WWOX: variants seen among roughly 807,000 people sequenced by gnomAD.
WWOX encodes WW domain-containing oxidoreductase.
Under a neutral mutation model 46.2 loss-of-function variants are expected in WWOX, and 69 were observed. The observed-to-expected ratio is 1.49, with a 90% confidence interval of 1.23 to 1.82. The LOEUF is 1.82. Among genes scored for constraint, WWOX ranks in the 40% most tolerant of loss-of-function variants. The pLI, the probability that WWOX is intolerant of heterozygous loss-of-function variation, is 0.00. For missense variants in WWOX, 919 were observed against 542.6 expected (o/e 1.69, Z -6.89); for synonymous variants, 359 against 202.6 (o/e 1.77, Z -6.56).
intron 8 of WWOX, among the ~76,000 whole-genome samples, chr16:78,892,890 C>T (rs367991413): frequency 2.5e-4 from 38 of 152,292 alleles, no homozygotes; most frequent in African/African-American, 8.2e-4. Context: ...GTATCTCCTA[C>T]GCCAAGTCCT....
intron 5 of WWOX, among the ~76,000 whole-genome samples, chr16:78,297,030 A>G (rs1393982461): frequency 6.6e-6 from 1 of 152,132 alleles, no homozygotes; most frequent in African/African-American, 2.4e-5. Flanking sequence ...TGAATTGGTA[A>G]AATTATCTGG....
intron 8 of WWOX, among the ~76,000 whole-genome samples, chr16:78,755,899 A>T (rs1107903): frequency 0.49 from 75,053 of 152,066 alleles, 21,757 homozygotes; most frequent in Non-Finnish European, 0.62. Flanking sequence ...GTAACTTCAT[A>T]GGATTTTTGT....
intron 8 of WWOX, among the ~76,000 whole-genome samples, chr16:78,901,283 A>C (rs2044825163): frequency 6.6e-6 from 1 of 152,224 alleles, no homozygotes; most frequent in Non-Finnish European, 1.5e-5. Flanking sequence ...AAAGATCACA[A>C]AGTATGTGTT....
chr16:78,262,622 A>G (rs2079270377), intron 5 of WWOX, among the ~76,000 whole-genome samples: 1 of 152,160 alleles, frequency 6.6e-6, no homozygotes. Context: ...TCCATGAAGT[A>G]TAATCTAATG....
At chr16:78,241,755 G>C (rs1440115029) in intron 5 of WWOX, among the ~76,000 whole-genome samples, 1 of 152,106 alleles carries the variant, frequency 6.6e-6, no homozygotes, top group African/African-American at 2.4e-5. Flanking sequence ...AGCCACTGTT[G>C]CTATTGATGA....
At chr16:78,630,589 C>T (rs1036830457) in intron 8 of WWOX, among the ~76,000 whole-genome samples, 2 of 152,108 alleles carry the variant, frequency 1.3e-5, no homozygotes, top group African/African-American at 2.4e-5. Flanking sequence ...CCTGTGTGAC[C>T]CCACTGGAAG....
At chr16:78,949,140 T>C (rs190655615) in intron 8 of WWOX, among the ~76,000 whole-genome samples, 2 of 152,254 alleles carry the variant, frequency 1.3e-5, no homozygotes, top group Admixed American at 6.5e-5. Context: ...ATTCTGCCAA[T>C]AACCTGAATA....
chr16:78,554,383 A>G (rs1380621478), intron 8 of WWOX, among the ~76,000 whole-genome samples: 1 of 152,196 alleles, frequency 6.6e-6, no homozygotes, highest in Non-Finnish European at 1.5e-5. Context: ...TGATCGTGAA[A>G]ATTCAAAAAA....
In WWOX at chr16:78,772,203, C is replaced by G. The variant is rs576674989; in HGVS notation, c.1056+339451C>G. On this transcript the variant is annotated intron_variant, in intron 8 of 8. Transcript: ENST00000566780. ...TCCTCTCCTTCCTCTCTCCCTCTACCCTCAGGCAGGCCCCAGTGTCTGTTG... is the reference window on the plus strand; with the variant it reads ...TCCTCTCCTTCCTCTCTCCCTCTACGCTCAGGCAGGCCCCAGTGTCTGTTG... Among the ~76,000 whole-genome samples, 19 of 152,286 alleles carry G rather than the reference C, an allele frequency of 1.2e-4. No individual in the cohort carries two copies. In the South Asian group the frequency reaches 3.9e-3, roughly 32 times the overall value.
At chr16:79,012,565 G>C (rs1357041911) in intron 8 of WWOX, among the ~76,000 whole-genome samples, 1 of 152,134 alleles carries the variant, frequency 6.6e-6, no homozygotes, top group Non-Finnish European at 1.5e-5. Context: ...ATATCATTGT[G>C]ATCAATTTGA....
At chr16:78,592,998 A>T (rs1371858895) in intron 8 of WWOX, among the ~76,000 whole-genome samples, 1 of 152,172 alleles carries the variant, frequency 6.6e-6, no homozygotes, top group Non-Finnish European at 1.5e-5. Context: ...TTGAGCACAG[A>T]TAGCTGCCAG....
chr16:78,870,969 C>G (rs974774713), intron 8 of WWOX, among the ~76,000 whole-genome samples: 15 of 152,170 alleles, frequency 9.9e-5, no homozygotes, highest in Non-Finnish European at 1.9e-4. Flanking sequence ...CCACCAGAGT[C>G]TTAAGTGTCC....
chr16:78,356,702 G>A (rs1438579796), intron 5 of WWOX, among the ~76,000 whole-genome samples: 2 of 152,170 alleles, frequency 1.3e-5, no homozygotes, highest in East Asian at 1.9e-4. Context: ...CCAGCATGGT[G>A]AAACCCCGTC....
At chr16:78,748,436 A>G (rs939972454) in intron 8 of WWOX, among the ~76,000 whole-genome samples, 2 of 152,188 alleles carry the variant, frequency 1.3e-5, no homozygotes, top group Non-Finnish European at 2.9e-5. Flanking sequence ...GGGGATACAG[A>G]GTTAAATAAA....
At chr16:78,942,825 G>C (rs1230306353) in intron 8 of WWOX, among the ~76,000 whole-genome samples, 1 of 152,162 alleles carries the variant, frequency 6.6e-6, no homozygotes, top group African/African-American at 2.4e-5. Flanking sequence ...TCCCGGAAGG[G>C]ATGAATTCCA....
At chr16:78,703,586 T>A (rs2048271091) in intron 8 of WWOX, among the ~76,000 whole-genome samples, 1 of 152,142 alleles carries the variant, frequency 6.6e-6, no homozygotes, top group East Asian at 1.9e-4. Context: ...ACCACTACAC[T>A]TCATCCTGGG....
chr16:78,484,801 A>G (rs1421626644), intron 8 of WWOX, among the ~76,000 whole-genome samples: 1 of 152,144 alleles, frequency 6.6e-6, no homozygotes, highest in East Asian at 1.9e-4. Flanking sequence ...GCTGTCCTGA[A>G]GTCGAGGTTC....
intron 8 of WWOX, among the ~76,000 whole-genome samples, chr16:78,960,807 T>C (rs1042555640): frequency 1.3e-5 from 2 of 152,198 alleles, no homozygotes; most frequent in Non-Finnish European, 2.9e-5. Context: ...GTCTTCTTGT[T>C]AAACTAGCAT....
chr16:78,448,355 G>C (rs1035058153), intron 8 of WWOX, among the ~76,000 whole-genome samples: 2 of 152,124 alleles, frequency 1.3e-5, no homozygotes, highest in African/African-American at 4.8e-5. Flanking sequence ...ATATTTAGCA[G>C]GTTAATACAA....
Sources: allele counts gnomAD v4.1 joint callset (sites outside exome capture counted in the v4.1 genomes callset), GRCh38; gene constraint gnomAD v4.1.1; transcripts MANE v1.5; gene names NCBI Gene and HGNC (gene_info 2026-07-23, HGNC 2026-07-21).